STAG1: variants seen among roughly 807,000 people sequenced by gnomAD.
STAG1 encodes the protein STAG1 cohesin complex component, also known as cohesin subunit SA-1.
A neutral mutation model predicts 170.9 loss-of-function variants in STAG1; 26 were observed. The ratio of observed to expected loss-of-function variants is 0.15; its 90% CI spans 0.11 to 0.21. The LOEUF is 0.21. Among genes scored for constraint, STAG1 ranks in the 10% least tolerant of loss-of-function variants. STAG1 has a pLI of 1.00. For missense variants in STAG1, 964 were observed against 1,509.5 expected (o/e 0.64, Z 5.99); for synonymous variants, 514 against 497.7 (o/e 1.03, Z -0.44).
chr3:136,465,016 T>C, intron 12 of STAG1, 28 bp from the exon 13 acceptor site: 2 of 1,519,520 alleles, frequency 1.3e-6, no homozygotes, highest in Non-Finnish European at 1.8e-6. Flanking sequence ...TAACATCTGA[T>C]CTAAAGCAAA....
intron 1 of STAG1, among the ~76,000 whole-genome samples, chr3:136,669,653 T>C (rs1041600948): frequency 3.3e-5 from 5 of 152,002 alleles, no homozygotes; most frequent in African/African-American, 1.2e-4. Flanking sequence ...GCCACCACAC[T>C]CAAGACATAT....
chr3:136,512,081 C>T (rs1934091472), intron 7 of STAG1, among the ~76,000 whole-genome samples: 2 of 121,856 alleles, frequency 1.6e-5, no homozygotes, highest in Admixed American at 2.0e-4. Context: ...ACAGTAAGAC[C>T]TCTTCTCTAC....
At chr3:136,522,935 A>T (rs1217611507) in intron 6 of STAG1, among the ~76,000 whole-genome samples, 1 of 152,124 alleles carries the variant, frequency 6.6e-6, no homozygotes, top group Non-Finnish European at 1.5e-5. Flanking sequence ...TCCACAGTGT[A>T]TATGTGCCAT....
At chr3:136,466,612 A>G (rs1340915006) in intron 12 of STAG1, among the ~76,000 whole-genome samples, 2 of 152,234 alleles carry the variant, frequency 1.3e-5, no homozygotes, top group Non-Finnish European at 1.5e-5. Context: ...TCCCCAATCT[A>G]GCAAGGCAGG....
chr3:136,684,776 C>CAAA (rs772542086), intron 1 of STAG1, among the ~76,000 whole-genome samples: 1 of 63,534 alleles, frequency 1.6e-5, no homozygotes, highest in Non-Finnish European at 3.3e-5. Context: ...ACCCTGTCTC[C>CAAA]AAAAAAAAAA....
At chr3:136,648,329 C>G (rs1409701677) in intron 1 of STAG1, among the ~76,000 whole-genome samples, 3 of 152,194 alleles carry the variant, frequency 2.0e-5, no homozygotes, top group African/African-American at 7.2e-5. Flanking sequence ...CCTCAAGCAC[C>G]AGTAAACTGC....
At chr3:136,419,623 G>GT (rs11320131) in intron 20 of STAG1, among the ~76,000 whole-genome samples, 1,656 of 136,472 alleles carry the variant, frequency 0.012, 25 homozygotes, top group African/African-American at 0.031. Context: ...TTTTGTGTGT[G>GT]TTTTTTTTTT....
chr3:136,693,018 A>G (rs1314420657), intron 1 of STAG1, among the ~76,000 whole-genome samples: 2 of 152,240 alleles, frequency 1.3e-5, no homozygotes, highest in African/African-American at 4.8e-5. Context: ...AAAGCAGGGC[A>G]TGACTGGAAG....
chr3:136,541,538 T>TCTCACACA (rs1935898739), intron 6 of STAG1, among the ~76,000 whole-genome samples: 1 of 123,122 alleles, frequency 8.1e-6, no homozygotes. Flanking sequence ...AGCTTAACAT[T>TCTCACACA]CACACACACA....
chr3:136,423,933 G>T (rs534502254), intron 16 of STAG1, among the ~76,000 whole-genome samples: 74 of 151,438 alleles, frequency 4.9e-4, no homozygotes, highest in Non-Finnish European at 3.2e-4. Flanking sequence ...GCACGATCTC[G>T]GCTCCCTGCA....
intron 7 of STAG1, chr3:136,518,098 C>A (rs1934475896): frequency 3.0e-6 from 1 of 328,198 alleles, no homozygotes; most frequent in East Asian, 4.7e-5. Flanking sequence ...AAATGCAATG[C>A]ATAAACACTG....
intron 6 of STAG1, among the ~76,000 whole-genome samples, chr3:136,524,978 G>A: frequency 6.6e-6 from 1 of 152,150 alleles, no homozygotes; most frequent in East Asian, 1.9e-4. Context: ...TTTTTGATGT[G>A]CTGCCAGATT....
At chr3:136,372,762 G>C (rs1203803097) in intron 23 of STAG1, among the ~76,000 whole-genome samples, 1 of 152,062 alleles carries the variant, frequency 6.6e-6, no homozygotes, top group Non-Finnish European at 1.5e-5. Flanking sequence ...GTATTTTATT[G>C]AGCATTTTTG....
intron 6 of STAG1, among the ~76,000 whole-genome samples, chr3:136,534,232 T>C (rs946169288): frequency 1.3e-5 from 2 of 152,088 alleles, no homozygotes; most frequent in Admixed American, 6.6e-5. Context: ...TGAACCCCTA[T>C]CTCTCACGTT....
chr3:136,560,936 C>T (rs947497143), intron 5 of STAG1, among the ~76,000 whole-genome samples: 1 of 151,858 alleles, frequency 6.6e-6, no homozygotes, highest in Non-Finnish European at 1.5e-5. Flanking sequence ...GGGGACGGGG[C>T]GAATTGTGAT....
At position 136,503,512 on chromosome 3, in the gene STAG1, CATT is replaced by C. The variant is rs553470686; in HGVS notation, c.677-736_677-734del. On this transcript the variant is annotated intron_variant, in intron 7 of 33. Coordinates refer to ENST00000383202, the MANE Select transcript of STAG1 (RefSeq NM_005862.3). ...TCTGTCTGTTCATATTTGTTTTCAT[CATT>C]GAGATAGTGAGAATATGGGAAATAC... Among the ~76,000 whole-genome samples, 187 of 152,184 alleles carry C rather than the reference CATT, an allele frequency of 1.2e-3. 1 individual carries two copies. Among genetic ancestry groups the C allele is most frequent in the African/African-American group, 4.2e-3 (174 of 41,528 alleles).
chr3:136,522,762 C>T (rs1934750061), intron 6 of STAG1, among the ~76,000 whole-genome samples: 1 of 145,394 alleles, frequency 6.9e-6, no homozygotes, highest in South Asian at 2.2e-4. Context: ...ACGTTCCCTT[C>T]CTGTGTCCAA....
In STAG1 at chr3:136,459,461, G is replaced by A. The variant is rs1180340344; in HGVS notation, c.1313+5420C>T. 4.6e-5 allele frequency among the ~76,000 whole-genome samples: 7 copies of A among 151,964 alleles called. No homozygotes were observed. The East Asian group carries it at 1.4e-3, about 29-fold the overall frequency. On this transcript the variant is annotated intron_variant, in intron 13 of 33. Coordinates refer to ENST00000383202, the MANE Select transcript of STAG1 (RefSeq NM_005862.3). The stretch of plus-strand genomic sequence containing the variant: ...TCAGCAATGGGAAGATTATCCAGAC[G>A]GAAAAAGAATCAATGTTTCCAAAGA...
intron 4 of STAG1, among the ~76,000 whole-genome samples, chr3:136,580,769 A>G (rs917283561): frequency 1.3e-5 from 2 of 150,350 alleles, no homozygotes; most frequent in Non-Finnish European, 3.0e-5. Flanking sequence ...TCCTGACCTC[A>G]TGATCCACCC....
Sources: gnomAD v4.1 joint callset for allele counts (sites outside exome capture counted in the v4.1 genomes callset) on GRCh38, gnomAD v4.1.1 for gene constraint, MANE v1.5 for transcripts, NCBI Gene and HGNC (gene_info 2026-07-23, HGNC 2026-07-21) for gene names.